ABCC3: variants seen among roughly 807,000 people sequenced by gnomAD.
The protein encoded by ABCC3 is ATP-binding cassette sub-family C member 3.
In ABCC3, 121 loss-of-function variants were observed where a neutral mutation model predicts 165.3. The ratio of observed to expected loss-of-function variants is 0.73; its 90% CI spans 0.63 to 0.85. The LOEUF (loss-of-function observed/expected upper bound fraction) is 0.85, where lower values mean the gene tolerates loss of function less well. ABCC3 is among the 40% of genes least tolerant of loss of function. The pLI, the probability that ABCC3 is intolerant of heterozygous loss-of-function variation, is 0.00. For missense variants in ABCC3, 1,869 were observed against 1,964.1 expected (o/e 0.95, Z 0.92); for synonymous variants, 733 against 810.1 (o/e 0.90, Z 1.62).
chr17:50,671,198 A>G (rs1422570116), intron 17 of ABCC3, among the ~76,000 whole-genome samples: 2 of 151,780 alleles, frequency 1.3e-5, no homozygotes, highest in Non-Finnish European at 2.9e-5. Context: ...GGAGGTTGCA[A>G]TGAACTGAGA....
intron 11 of ABCC3, 126 bp from the exon 12 acceptor site, chr17:50,667,428 T>G: frequency 1.2e-6 from 1 of 849,874 alleles, no homozygotes; most frequent in Non-Finnish European, 1.8e-6. Flanking sequence ...CAAGGAGTTG[T>G]GAGAAGGAAT....
At chr17:50,671,702 C>CTTTTTT (rs386386244) in intron 17 of ABCC3, among the ~76,000 whole-genome samples, 2,403 of 56,384 alleles carry the variant, frequency 0.043, 476 homozygotes, top group Non-Finnish European at 0.058. Context: ...TCCTTCCTTC[C>CTTTTTT]TTTTTTTTTT....
intron 26 of ABCC3, among the ~76,000 whole-genome samples, chr17:50,680,632 C>T (rs934634264): frequency 1.1e-4 from 16 of 152,260 alleles, no homozygotes; most frequent in African/African-American, 1.4e-4. Flanking sequence ...CCTCCCTCCC[C>T]GGCCAGCCTA....
At chr17:50,686,930 G>A (rs1341187106) in intron 29 of ABCC3, among the ~76,000 whole-genome samples, 1 of 152,124 alleles carries the variant, frequency 6.6e-6, no homozygotes, top group East Asian at 1.9e-4. Flanking sequence ...ACACAGCCTC[G>A]TTTTGTCTGC....
intron 22 of ABCC3, 39 bp downstream of exon 22, chr17:50,676,129 C>A (rs771492230): frequency 6.2e-7 from 1 of 1,611,304 alleles, no homozygotes. Flanking sequence ...CTCCAATATC[C>A]CTTCTTCTCT....
In ABCC3 at chr17:50,684,784, T is replaced by A; in HGVS notation, c.4189T>A (p.Trp1397Arg). 6.2e-7 allele frequency: 1 copy of A among 1,614,128 alleles called. No homozygotes were observed. The highest frequency in any genetic ancestry group is 8.5e-7 in the Non-Finnish European group (1 of 1,180,026). Residue 1397 changes from tryptophan to arginine, a missense_variant, in exon 29 of 31, where the codon TGG (tryptophan) becomes AGG (arginine). Coordinates refer to ENST00000285238, the MANE Select transcript of ABCC3 (RefSeq NM_003786.4). ...CAGCTACTCAGAGGAGGACATTTGG[T>A]GGGCTTTGGAGCTGTCCCACCTGCA... The part of the protein sequence containing the change: ...FGSYSEEDIW[W>R]ALELSHLHTF...
chr17:50,667,748 C>G lies in ABCC3; in HGVS notation c.1626C>G (p.Ser542Arg), dbSNP rs749635299. 6.2e-7 allele frequency: 1 copy of G among 1,614,072 alleles called. No individual in the cohort carries two copies. The highest frequency in any genetic ancestry group is 1.1e-5 in the South Asian group (1 of 91,084). The change falls in exon 12 of 31, where the codon AGC (serine) becomes AGG (arginine). Residue 542 changes from serine (S) to arginine (R), a missense_variant. Physicochemically the swap from Ser to Arg is moderately radical, Grantham distance 110. Transcript: ENST00000285238. ...CAACCACCTTCACCTGGATGTGCAG[C>G]CCCTTCCTGGTGAGGCTTGGCACAG... ...HTTTTFTWMC[S>R]PFLVTLITLW... is the part of the protein sequence containing the mutation.
chr17:50,680,943 G>A (rs746237052), intron 26 of ABCC3, among the ~76,000 whole-genome samples: 2 of 152,106 alleles, frequency 1.3e-5, no homozygotes, highest in Non-Finnish European at 2.9e-5. Flanking sequence ...GGGCGTGGTG[G>A]TGCACACCTG....
At chr17:50,653,758 G>GAAAA (rs57247095) in intron 1 of ABCC3, among the ~76,000 whole-genome samples, 1 of 132,308 alleles carries the variant, frequency 7.6e-6, no homozygotes, top group Non-Finnish European at 1.6e-5. Flanking sequence ...CATCTCAAAA[G>GAAAA]AAAAAAAAAA....
chr17:50,665,608 CTTT>C (rs201547164), intron 11 of ABCC3, among the ~76,000 whole-genome samples: 14 of 142,252 alleles, frequency 9.8e-5, no homozygotes, highest in Admixed American at 1.4e-4. Flanking sequence ...TGTTTTTTTT[CTTT>C]TTTTTTTTTT....
At chr17:50,684,919 G>C (rs185357104) in intron 29 of ABCC3, 44 bp downstream of exon 29, 2 of 1,596,864 alleles carry the variant, frequency 1.3e-6, no homozygotes, top group Admixed American at 1.7e-5. Context: ...AACCCTCCCT[G>C]GGAAACCCTG....
Position 50,676,438 on chromosome 17 carries a change from C to T in ABCC3, c.3228C>T (p.Ile1076=). 6.2e-7 allele frequency: 1 copy of T among 1,614,242 alleles called. No individual in the cohort carries two copies. The highest frequency in any genetic ancestry group is 8.5e-7 in the Non-Finnish European group (1 of 1,180,046). Reference sequence around the variant, plus strand: ...TCCTGAACTGCTTCTCCAAGGACATCTATGTCGTTGATGAGGTTCTGGCCC... The same window carrying T: ...TCCTGAACTGCTTCTCCAAGGACATTTATGTCGTTGATGAGGTTCTGGCCC... ...GRILNCFSKD[I]YVVDEVLAPV... The change falls in exon 23 of 31, where the codon ATC becomes ATT. Residue 1076 remains isoleucine (I), a synonymous_variant. Transcript: ENST00000285238.
rs1968045240 is a variant in ABCC3, at chr17:50,687,570, G to T, written c.4315G>T (p.Ala1439Ser). The change falls in exon 30 of 31, where the codon GCC becomes TCC. Residue 1439 changes from alanine to serine, a missense_variant. Transcript: ENST00000285238. The part of the protein sequence containing the change: ...GQRQLVCLAR[A>S]LLRKSRILVL... Reference sequence around the variant, plus strand: ...GAGGCAGCTCGTGTGCCTGGCCCGAGCCCTGCTCCGCAAGAGCCGCATCCT... The same window carrying T: ...GAGGCAGCTCGTGTGCCTGGCCCGATCCCTGCTCCGCAAGAGCCGCATCCT... 1 of 1,614,046 alleles carries T rather than the reference G, an allele frequency of 6.2e-7. No homozygotes were observed. The highest frequency in any genetic ancestry group is 2.2e-5 in the East Asian group (1 of 44,882).
chr17:50,675,536 C>G (rs1433988928), intron 20 of ABCC3, 60 bp downstream of exon 20: 3 of 1,583,012 alleles, frequency 1.9e-6, no homozygotes, highest in Non-Finnish European at 2.6e-6. Flanking sequence ...CCAGGCCCTG[C>G]CAGATGGGGT....
At chr17:50,656,941 AG>A in intron 3 of ABCC3, 104 bp from the exon 4 acceptor site, 1 of 1,548,878 alleles carries the variant, frequency 6.5e-7, no homozygotes, top group South Asian at 1.3e-5. Flanking sequence ...AATGGGAAGA[AG>A]AAGGGGGTGG....
At chr17:50,646,971 C>A (rs1003507975) in intron 1 of ABCC3, among the ~76,000 whole-genome samples, 1 of 152,182 alleles carries the variant, frequency 6.6e-6, no homozygotes, top group African/African-American at 2.4e-5. Flanking sequence ...CTCCGCCTCC[C>A]GGGTTCAAAC....
At chr17:50,673,268 G>T in intron 18 of ABCC3, 130 bp downstream of exon 18, 1 of 1,312,208 alleles carries the variant, frequency 7.6e-7, no homozygotes, top group Admixed American at 2.2e-5. Flanking sequence ...TGTGGGTTGG[G>T]CATCAGGAGA....
At chr17:50,641,561 G>A (rs1245062676) in intron 1 of ABCC3, among the ~76,000 whole-genome samples, 3 of 152,172 alleles carry the variant, frequency 2.0e-5, no homozygotes, top group Admixed American at 1.3e-4. Context: ...CAGAGGCTGC[G>A]GCTGGAGTTG....
chr17:50,645,564 C>G (rs75407063), intron 1 of ABCC3, among the ~76,000 whole-genome samples: 30,993 of 151,856 alleles, frequency 0.2, 4,211 homozygotes, highest in Non-Finnish European at 0.28. Flanking sequence ...TACTATTATT[C>G]TTTCATTCAT....
Sources: gnomAD v4.1 joint callset for allele counts (sites outside exome capture counted in the v4.1 genomes callset) on GRCh38, gnomAD v4.1.1 for gene constraint, MANE v1.5 for transcripts, NCBI Gene and HGNC (gene_info 2026-07-23, HGNC 2026-07-21) for gene names.